The following CERKL variants were observed in gnomAD, a reference collection of about 807,000 sequenced individuals.
CERKL encodes the protein CERK like autophagy regulator.
A neutral mutation model predicts 63.4 loss-of-function variants in CERKL; 61 were observed. The ratio of observed to expected loss-of-function variants is 0.96; its 90% CI spans 0.78 to 1.19. The LOEUF (loss-of-function observed/expected upper bound fraction) is 1.19, where lower values mean the gene tolerates loss of function less well. CERKL is among the 50% of genes most tolerant of loss of function. CERKL has a pLI of 0.00. For missense variants in CERKL, 675 were observed against 655.5 expected (o/e 1.03, Z -0.33); for synonymous variants, 250 against 230.5 (o/e 1.08, Z -0.77).
intron 2 of CERKL, among the ~76,000 whole-genome samples, chr2:181,598,500 G>A (rs1479123823): frequency 2.0e-5 from 3 of 151,864 alleles, no homozygotes; most frequent in Admixed American, 6.6e-5. Context: ...CACACCAACA[G>A]AATCTCTTCC....
At chr2:181,546,682 T>C (rs1687738953) in intron 10 of CERKL, among the ~76,000 whole-genome samples, 1 of 152,200 alleles carries the variant, frequency 6.6e-6, no homozygotes, top group Non-Finnish European at 1.5e-5. Flanking sequence ...GAAAGAAATA[T>C]TTTCAGCCCC....
At chr2:181,561,575 T>C (rs1472750776) in intron 4 of CERKL, among the ~76,000 whole-genome samples, 1 of 152,146 alleles carries the variant, frequency 6.6e-6, no homozygotes. Context: ...TATTTTGAAA[T>C]GGCCCTGCAA....
At chr2:181,544,408 G>A (rs1039844126) in intron 11 of CERKL, among the ~76,000 whole-genome samples, 2 of 152,122 alleles carry the variant, frequency 1.3e-5, no homozygotes, top group African/African-American at 4.8e-5. Context: ...CCTGAGTATG[G>A]AATTTTATCC....
At chr2:181,575,004 C>T (rs976556950) in intron 2 of CERKL, among the ~76,000 whole-genome samples, 2 of 152,184 alleles carry the variant, frequency 1.3e-5, no homozygotes, top group African/African-American at 4.8e-5. Context: ...CTGCATCAGC[C>T]TCCAATCACC....
Position 181,556,175 on chromosome 2 carries a change from T to C in CERKL, c.820+2391A>G, listed in dbSNP as rs150364807. 1.4e-3 allele frequency among the ~76,000 whole-genome samples: 209 copies of C among 152,196 alleles called. 3 individuals carry two copies. In the East Asian group the frequency reaches 0.036, roughly 26 times the overall value. On this transcript the variant is annotated intron_variant, in intron 5 of 12. Transcript: ENST00000410087. The stretch of plus-strand genomic sequence containing the variant: ...CTTAATGTCTGCTCTGCCAGGCTAT[T>C]GAGTACCTCAAGTAATGCTATTTTG...
Position 181,536,863 on chromosome 2 carries a change from A to AT in CERKL, c.*1320dup, listed in dbSNP as rs1353347272. ...GCCTTCATAAGAGAGCTGTGGCCGA[A>AT]TTTTGAACATCTGTTATAGGGAGTG... On this transcript the variant is annotated 3_prime_UTR_variant, in exon 13 of 13. Coordinates refer to ENST00000410087, the MANE Select transcript of CERKL (RefSeq NM_201548.5). 4.6e-6 allele frequency: 2 copies of AT among 432,810 alleles called. No individual in the cohort carries two copies. The highest frequency in any genetic ancestry group is 4.0e-5 in the African/African-American group (2 of 49,422). 26.8% of individuals were successfully genotyped at this position (432,810 alleles called of 1,614,324 possible).
intron 5 of CERKL, among the ~76,000 whole-genome samples, chr2:181,555,788 T>C (rs1427239824): frequency 6.7e-6 from 1 of 149,614 alleles, no homozygotes; most frequent in Non-Finnish European, 1.5e-5. Flanking sequence ...AGCCTCGCTC[T>C]GTCGCCCAGG....
At chr2:181,602,086 T>C (rs533007562) in intron 2 of CERKL, among the ~76,000 whole-genome samples, 2 of 152,348 alleles carry the variant, frequency 1.3e-5, no homozygotes, top group African/African-American at 4.8e-5. Context: ...TTGTTGTTTT[T>C]GTTTTTGACA....
At chr2:181,563,570 C>A (rs1481968963) in intron 4 of CERKL, among the ~76,000 whole-genome samples, 5 of 149,796 alleles carry the variant, frequency 3.3e-5, no homozygotes, top group Non-Finnish European at 7.4e-5. Flanking sequence ...TTGAGTCTGT[C>A]TCTCATCAAA....
At position 181,544,431 on chromosome 2, in the gene CERKL, A is replaced by G. The variant is rs1225659720; in HGVS notation, c.1365+269T>C. 2.6e-5 allele frequency among the ~76,000 whole-genome samples: 4 copies of G among 152,184 alleles called. No homozygotes were observed. The East Asian group carries it at 5.8e-4, about 22-fold the overall frequency. On this transcript the variant is annotated intron_variant, in intron 11 of 12. Transcript: ENST00000410087. ...TGGAATTTTATCCTTAATTTATTTC[A>G]CATTGCAATATAACACTACATTTCC... is the stretch of plus-strand genomic sequence containing the variant.
In CERKL at chr2:181,558,751, T is replaced by C. The variant is rs1457108741; in HGVS notation, c.678-43A>G. The C allele has an allele frequency of 4.4e-6, 7 of 1,602,802 alleles. No individual in the cohort carries two copies. The Admixed American group carries it at 1.2e-4, about 27-fold the overall frequency. The stretch of plus-strand genomic sequence containing the variant: ...AAGCAAAGAAGGCAAAACTTCAGAA[T>C]GATTGGTAATAAGTCATGAAATCTA... On this transcript the variant is annotated intron_variant, in intron 4 of 12. Transcript: ENST00000410087. The surrounding 1 kb of genome is among the most constrained non-coding windows in gnomAD (Gnocchi z 4.2).
chr2:181,567,840 T>G (rs1688729637), intron 3 of CERKL, among the ~76,000 whole-genome samples: 1 of 152,188 alleles, frequency 6.6e-6, no homozygotes, highest in African/African-American at 2.4e-5. Context: ...ACCAAATATG[T>G]ATTTAGACAG....
chr2:181,597,702 G>A (rs1461684661), intron 2 of CERKL, among the ~76,000 whole-genome samples: 1 of 152,164 alleles, frequency 6.6e-6, no homozygotes, highest in Non-Finnish European at 1.5e-5. Context: ...CTGAGATGGT[G>A]GTCACCATAT....
chr2:181,549,582 T>C (rs376192395), intron 6 of CERKL, 52 bp downstream of exon 6: 77 of 1,339,728 alleles, frequency 5.7e-5, no homozygotes, highest in Non-Finnish European at 6.9e-5. Context: ...GCCTTCCTTA[T>C]ATAAATCAAC....
At chr2:181,601,437 T>C (rs967715007) in intron 2 of CERKL, among the ~76,000 whole-genome samples, 2 of 151,698 alleles carry the variant, frequency 1.3e-5, no homozygotes, top group Non-Finnish European at 2.9e-5. Flanking sequence ...GGCGGGTGCC[T>C]GTAATCCCAG....
At chr2:181,634,796 G>A (rs142535978) in intron 1 of CERKL, among the ~76,000 whole-genome samples, 4 of 152,128 alleles carry the variant, frequency 2.6e-5, no homozygotes, top group East Asian at 1.9e-4. Flanking sequence ...TCCTATACCC[G>A]CTAGTTAAGC....
At chr2:181,616,918 C>A (rs1686221302) in intron 1 of CERKL, among the ~76,000 whole-genome samples, 2 of 152,240 alleles carry the variant, frequency 1.3e-5, no homozygotes, top group East Asian at 3.9e-4. Context: ...CCTTCATCAG[C>A]AATTCTCAAT....
At chr2:181,581,737 T>A (rs951290093) in intron 2 of CERKL, among the ~76,000 whole-genome samples, 1 of 152,202 alleles carries the variant, frequency 6.6e-6, no homozygotes, top group Non-Finnish European at 1.5e-5. Context: ...GCTGGCTGGT[T>A]GCTCTGGGAC....
intron 1 of CERKL, among the ~76,000 whole-genome samples, chr2:181,619,027 A>G (rs1006341463): frequency 6.6e-6 from 1 of 152,342 alleles, no homozygotes; most frequent in South Asian, 2.1e-4. Context: ...TACATCTGAA[A>G]CATCATGAAA....
Sources: allele counts gnomAD v4.1 joint callset (sites outside exome capture counted in the v4.1 genomes callset), GRCh38; gene constraint gnomAD v4.1.1; non-coding constraint Gnocchi (gnomAD v3.1); transcripts MANE v1.5; gene names NCBI Gene and HGNC (gene_info 2026-07-23, HGNC 2026-07-21).